GTF2H5: variants seen among roughly 807,000 people sequenced by gnomAD.
The protein encoded by GTF2H5 is general transcription factor IIH subunit 5.
A neutral mutation model predicts 7.1 loss-of-function variants in GTF2H5; 5 were observed. The ratio of observed to expected loss-of-function variants is 0.71; its 90% CI spans 0.37 to 1.49. The LOEUF (loss-of-function observed/expected upper bound fraction) is 1.49. Ranked by LOEUF, GTF2H5 falls within the 40% of genes most tolerant of loss-of-function variation. The pLI, the probability that GTF2H5 is intolerant of heterozygous loss-of-function variation, is 0.03. For missense variants in GTF2H5, 80 were observed against 83.0 expected, an observed-to-expected ratio of 0.96 and a Z score of 0.14; for synonymous variants, 30 against 31.7, an observed-to-expected ratio of 0.95 and a Z score of 0.18.
chr6:158,192,125 G>T lies in GTF2H5; in HGVS notation c.184G>T (p.Asp62Tyr). ...VLQERVGELM[D>Y]QNAFSLTQK Reference sequence around the variant, plus strand: ...CCAGGAGCGAGTGGGTGAATTAATGGACCAAAATGCTTTTTCCCTTACCCA... The same window carrying T: ...CCAGGAGCGAGTGGGTGAATTAATGTACCAAAATGCTTTTTCCCTTACCCA... The change falls in exon 3 of 3, where the codon GAC becomes TAC. Residue 62 changes from aspartate (D) to tyrosine (Y), a missense_variant. Asp to Tyr is a radical substitution (Grantham distance 160). Coordinates refer to ENST00000607778, the MANE Select transcript of GTF2H5 (RefSeq NM_207118.3). The T allele has an allele frequency of 1.2e-6, 2 of 1,613,406 alleles. No homozygotes were observed. Among genetic ancestry groups the T allele is most frequent in the South Asian group, 1.1e-5 (1 of 91,030 alleles).
In GTF2H5 at chr6:158,192,633, T is replaced by C. The variant is rs145493528; in HGVS notation, c.*476T>C. 5.9e-4 allele frequency: 102 copies of C among 171,830 alleles called. No individual in the cohort carries two copies. Among genetic ancestry groups the C allele is most frequent in the Non-Finnish European group, 1.1e-3 (88 of 79,126 alleles). 10.6% of individuals were successfully genotyped at this position (171,830 alleles called of 1,614,324 possible). On this transcript the variant is annotated 3_prime_UTR_variant, in exon 3 of 3. Coordinates refer to ENST00000607778, the MANE Select transcript of GTF2H5 (RefSeq NM_207118.3). The stretch of plus-strand genomic sequence containing the variant: ...CAGTCAGCTCTATTGAGGAAGACAA[T>C]GTAAAACTAATGTAAACTACAGTTT...
At position 158,169,975 on chromosome 6, in the gene GTF2H5, C is replaced by T. The variant is rs529914733; in HGVS notation, c.-34-495C>T. On this transcript the variant is annotated intron_variant, in intron 1 of 2. Coordinates refer to ENST00000607778, the MANE Select transcript of GTF2H5 (RefSeq NM_207118.3). ...GCAAGAGGTTGCAGGGAGCAGAGAT[C>T]GCGCCACTGCACTACAGCCTGGGCG... Among the ~76,000 whole-genome samples, 213 of 150,864 alleles carry T rather than the reference C, an allele frequency of 1.4e-3. 1 individual carries two copies. Among genetic ancestry groups the T allele is most frequent in the African/African-American group, 4.6e-3 (187 of 40,954 alleles).
At chr6:158,187,005 T>C (rs1264583487) in intron 2 of GTF2H5, among the ~76,000 whole-genome samples, 1 of 152,142 alleles carries the variant, frequency 6.6e-6, no homozygotes, top group Non-Finnish European at 1.5e-5. Flanking sequence ...TTTTGTTTTG[T>C]TCTTATTAGA....
chr6:158,169,502 A>T (rs1469372488), intron 1 of GTF2H5, among the ~76,000 whole-genome samples: 3 of 62,728 alleles, frequency 4.8e-5, no homozygotes, highest in African/African-American at 7.7e-5. Context: ...ATATTATATA[A>T]TATATTGTAT....
chr6:158,178,456 C>CAAA (rs34745319), intron 2 of GTF2H5, among the ~76,000 whole-genome samples: 21 of 88,366 alleles, frequency 2.4e-4, no homozygotes, highest in South Asian at 4.4e-4. Context: ...GACTCCATCT[C>CAAA]AAAAAAAAAA....
chr6:158,181,013 C>G (rs914933477), intron 2 of GTF2H5, among the ~76,000 whole-genome samples: 1 of 152,070 alleles, frequency 6.6e-6, no homozygotes. Context: ...GCATTTAGTG[C>G]TATGAATTTC....
At chr6:158,189,730 C>T (rs192634881) in intron 2 of GTF2H5, among the ~76,000 whole-genome samples, 33 of 152,330 alleles carry the variant, frequency 2.2e-4, no homozygotes, top group Non-Finnish European at 4.1e-4. Context: ...GTCGTTGTAG[C>T]AAAATTTCTC....
intron 2 of GTF2H5, among the ~76,000 whole-genome samples, chr6:158,171,758 G>A (rs1370065698): frequency 1.3e-5 from 2 of 152,190 alleles, no homozygotes; most frequent in Non-Finnish European, 2.9e-5. Context: ...AGCTGACGAA[G>A]GACATGGTGA....
intron 2 of GTF2H5, among the ~76,000 whole-genome samples, chr6:158,184,582 C>T (rs922866119): frequency 5.9e-5 from 9 of 152,164 alleles, no homozygotes; most frequent in African/African-American, 2.2e-4. Flanking sequence ...CTAATCTAGA[C>T]ACCCATATCT....
At position 158,195,638 on chromosome 6, in the gene GTF2H5, TTGACA is replaced by T. The variant is rs1219441261; in HGVS notation, c.*3483_*3487del. The T allele has an allele frequency of 1.3e-5, 2 of 152,212 alleles. No homozygotes were observed. The highest frequency in any genetic ancestry group is 3.9e-4 in the East Asian group (2 of 5,192). 9.4% of individuals were successfully genotyped at this position (152,212 alleles called of 1,614,324 possible). ...CTTTACATTTTCTAGAACAGGTGAT[TTGACA>T]TAATTGTACTTTTTTCTGAGAAGTT... On this transcript the variant is annotated 3_prime_UTR_variant, in exon 3 of 3. Coordinates refer to ENST00000607778, the MANE Select transcript of GTF2H5 (RefSeq NM_207118.3).
chr6:158,169,958 T>G (rs1007951247), intron 1 of GTF2H5, among the ~76,000 whole-genome samples: 12 of 150,180 alleles, frequency 8.0e-5, no homozygotes, highest in Non-Finnish European at 1.3e-4. Context: ...AGGCAAGAGG[T>G]TGCAGGGAGC....
chr6:158,193,812 AC>A lies in GTF2H5; in HGVS notation c.*1659del, dbSNP rs1324978824. On this transcript the variant is annotated 3_prime_UTR_variant, in exon 3 of 3. Coordinates refer to ENST00000607778, the MANE Select transcript of GTF2H5 (RefSeq NM_207118.3). ...GATCGAGACCATCCTGCTCGGTGAA[AC>A]CCCATCTCTATTAAAAATACAAAAA... 1 of 152,012 alleles carries A rather than the reference AC, an allele frequency of 6.6e-6. No homozygotes were observed. Among genetic ancestry groups the A allele is most frequent in the Admixed American group, 6.6e-5 (1 of 15,250 alleles). 9.4% of individuals were successfully genotyped at this position (152,012 alleles called of 1,614,324 possible).
Position 158,183,598 on chromosome 6 carries a change from CCTCAG to C in GTF2H5, c.36-8377_36-8373del, listed in dbSNP as rs1253045323. ...GTGAGCATGGAACCGCCTACTCAAG[CCTCAG>C]CAATGGCGGTCACCCCTCCCCCCAC... On this transcript the variant is annotated intron_variant, in intron 2 of 2. Coordinates refer to ENST00000607778, the MANE Select transcript of GTF2H5 (RefSeq NM_207118.3). Among the ~76,000 whole-genome samples the C allele has an allele frequency of 3.9e-5, 6 of 152,194 alleles. No homozygotes were observed. In the South Asian group the frequency reaches 6.2e-4, roughly 16 times the overall value.
chr6:158,169,687 TATATATTATATA>T (rs1342309949), intron 1 of GTF2H5, among the ~76,000 whole-genome samples: 26 of 44,948 alleles, frequency 5.8e-4, no homozygotes, highest in Admixed American at 1.6e-3. Context: ...TAATATATAA[TATATATTATATA>T]ATATATTGTA....
rs149167183 is a variant in GTF2H5 at position 158,181,473 on chromosome 6, T to C, written c.36-10504T>C. ...TCTGTCTAATATTGATGGTGGGGTG[T>C]TAAAGTCTCCTGTTATTATTGTGTG... is the stretch of plus-strand genomic sequence containing the variant. On this transcript the variant is annotated intron_variant, in intron 2 of 2. Transcript: ENST00000607778. Among the ~76,000 whole-genome samples the C allele has an allele frequency of 1.7e-3, 262 of 152,286 alleles. 1 individual carries two copies. The highest frequency in any genetic ancestry group is 6.0e-3 in the African/African-American group (250 of 41,554).
intron 2 of GTF2H5, 147 bp from the exon 3 acceptor site, chr6:158,191,830 C>T (rs1452101736): frequency 5.8e-6 from 4 of 689,622 alleles, no homozygotes; most frequent in Non-Finnish European, 1.0e-5. Context: ...AAATTGTTAA[C>T]ACTTGAGGCA....
chr6:158,189,289 G>T (rs1482622318), intron 2 of GTF2H5, among the ~76,000 whole-genome samples: 6 of 151,632 alleles, frequency 4.0e-5, no homozygotes, highest in African/African-American at 1.5e-4. Context: ...TCATCAGAGT[G>T]GACTACCCAC....
chr6:158,195,276 C>G lies in GTF2H5; in HGVS notation c.*3119C>G, dbSNP rs1009028617. On this transcript the variant is annotated 3_prime_UTR_variant, in exon 3 of 3. Transcript: ENST00000607778. ...TGCCACTGCACTGCAGCCTGGATGACAGAGTGAAACTTTGTCTCTTAATAG... is the reference window on the plus strand; with the variant it reads ...TGCCACTGCACTGCAGCCTGGATGAGAGAGTGAAACTTTGTCTCTTAATAG... 1.3e-5 allele frequency: 2 copies of G among 152,022 alleles called. No individual in the cohort carries two copies. Among genetic ancestry groups the G allele is most frequent in the African/African-American group, 4.8e-5 (2 of 41,348 alleles). The allele number at this position is 152,022 out of a possible 1,614,324, so 9.4% of individuals were successfully genotyped here.
chr6:158,179,533 A>G (rs1435009872), intron 2 of GTF2H5, among the ~76,000 whole-genome samples: 1 of 152,026 alleles, frequency 6.6e-6, no homozygotes, highest in Non-Finnish European at 1.5e-5. Flanking sequence ...AGTGGTTTGT[A>G]GTTCTTGAAG....
Sources: gnomAD v4.1 joint callset for allele counts (sites outside exome capture counted in the v4.1 genomes callset) on GRCh38, gnomAD v4.1.1 for gene constraint, MANE v1.5 for transcripts, NCBI Gene and HGNC (gene_info 2026-07-23, HGNC 2026-07-21) for gene names.